The following AQP7 variants were observed in gnomAD, a reference collection of about 807,000 sequenced individuals.
AQP7 encodes aquaporin-7.
In AQP7, 22 loss-of-function variants were observed where a neutral mutation model predicts 26.1. That is an observed-to-expected ratio of 0.84 (90% CI 0.60 to 1.20). The LOEUF (loss-of-function observed/expected upper bound fraction) is 1.20. Among genes scored for constraint, AQP7 ranks in the 50% most tolerant of loss-of-function variants. The pLI, the probability that AQP7 is intolerant of heterozygous loss-of-function variation, is 0.00. For missense variants in AQP7, 412 were observed against 457.5 expected, an observed-to-expected ratio of 0.90 and a Z score of 0.91; for synonymous variants, 167 against 181.7, an observed-to-expected ratio of 0.92 and a Z score of 0.65.
At chr9:33,395,962 T>G (rs1825816775) in intron 2 of AQP7, among the ~76,000 whole-genome samples, 1 of 152,200 alleles carries the variant, frequency 6.6e-6, no homozygotes, top group African/African-American at 2.4e-5. Context: ...GAATCTGTCT[T>G]ACTCCCAACT....
chr9:33,389,589 A>G (rs1250022823), intron 3 of AQP7, among the ~76,000 whole-genome samples: 7 of 152,228 alleles, frequency 4.6e-5, no homozygotes, highest in Non-Finnish European at 1.0e-4. Flanking sequence ...TGTGGATACT[A>G]GAAAAATTTA....
At chr9:33,395,544 C>G in intron 2 of AQP7, 1 of 283,870 alleles carries the variant, frequency 3.5e-6, no homozygotes. Context: ...AGAGAGCAGG[C>G]TGGAAAGTGG....
At position 33,395,110 on chromosome 9, in the gene AQP7, G is replaced by C. The variant is rs2381003; in HGVS notation, c.112C>G (p.Leu38Val). Reference protein sequence around the residue: ...ILQRKMVREFLAEFMSTYVMM... With the variant: ...ILQRKMVREFVAEFMSTYVMM... ...ACATATGTGCTCATGAACTCGGCCA[G>C]GAACTCTCGCACCATCTTCCTCTGC... The change falls in exon 3 of 8, where the codon CTG (leucine) becomes GTG (valine). Residue 38 changes from leucine (L) to valine (V), a missense_variant. Physicochemically the swap from Leu to Val is conservative, Grantham distance 32 (BLOSUM62 1). Transcript: ENST00000297988. 1 of 1,613,904 alleles carries C rather than the reference G, an allele frequency of 6.2e-7. No individual in the cohort carries two copies. The highest frequency in any genetic ancestry group is 8.5e-7 in the Non-Finnish European group (1 of 1,179,852).
chr9:33,396,862 G>A (rs147803835), intron 2 of AQP7, among the ~76,000 whole-genome samples: 6,697 of 151,388 alleles, frequency 0.044, 519 homozygotes, highest in African/African-American at 0.15. Flanking sequence ...AGCACTTGCC[G>A]AGGCGAGCTG....
At chr9:33,400,634 A>C (rs931832937) in intron 2 of AQP7, among the ~76,000 whole-genome samples, 4 of 151,988 alleles carry the variant, frequency 2.6e-5, no homozygotes, top group Non-Finnish European at 4.4e-5. Context: ...ATACCAAAAT[A>C]ATAATAATAA....
chr9:33,386,276 G>A, intron 5 of AQP7, 81 bp from the exon 6 acceptor site: 1 of 1,602,802 alleles, frequency 6.2e-7, no homozygotes, highest in South Asian at 1.1e-5. Context: ...ATAGGTTAGA[G>A]GGTGGGGGAT....
In AQP7 at chr9:33,386,478, T is replaced by A; in HGVS notation, c.332A>T (p.Lys111Met). 6.2e-7 allele frequency: 1 copy of A among 1,612,482 alleles called. No homozygotes were observed. Among genetic ancestry groups the A allele is most frequent in the Non-Finnish European group, 8.5e-7 (1 of 1,179,364 alleles). Residue 111 changes from lysine to methionine, a missense_variant, in exon 5 of 8, where the codon AAG becomes ATG. Physicochemically the swap from Lys to Met is moderately conservative, Grantham distance 95. Coordinates refer to ENST00000297988, the MANE Select transcript of AQP7 (RefSeq NM_001170.3). ...NCALGRVPWR[K>M]FPVYVLGQFL... Reference sequence around the variant, plus strand: ...CTGCCCCAGCACATAGACCGGAAACTTCCTCCAGGGCACGCGGCCCAGCGC... The same window carrying A: ...CTGCCCCAGCACATAGACCGGAAACATCCTCCAGGGCACGCGGCCCAGCGC...
rs546542440 is a variant in AQP7 at position 33,398,627 on chromosome 9, G to A, written c.26+2610C>T. Among the ~76,000 whole-genome samples, 28 of 152,334 alleles carry A rather than the reference G, an allele frequency of 1.8e-4. No homozygotes were observed. In the South Asian group the frequency reaches 2.1e-3, roughly 11 times the overall value. On this transcript the variant is annotated intron_variant, in intron 2 of 7. Coordinates refer to ENST00000297988, the MANE Select transcript of AQP7 (RefSeq NM_001170.3). The stretch of plus-strand genomic sequence containing the variant: ...GGGCAGGTCCTGACTAGTGTGGGGC[G>A]CAGCAGAGAAGCTGTGGGAGAATGG...
In AQP7 at chr9:33,387,052, T is replaced by C. The variant is rs753629469; in HGVS notation, c.185A>G (p.Lys62Arg). 1 of 1,611,942 alleles carries C rather than the reference T, an allele frequency of 6.2e-7. No homozygotes were observed. Among genetic ancestry groups the C allele is most frequent in the East Asian group, 2.2e-5 (1 of 44,878 alleles). The stretch of plus-strand genomic sequence containing the variant: ...GACACCAAGGTAGCTCCCATATTTT[T>C]TATTTAGAACCATATGGGCCACGGA... ...LGSVAHMVLN[K>R]KYGSYLGVNL... The change falls in exon 4 of 8, where the codon AAA becomes AGA. Residue 62 changes from lysine (K) to arginine (R), a missense_variant. Physicochemically the swap from Lys to Arg is conservative, Grantham distance 26. Transcript: ENST00000297988.
At chr9:33,387,704 G>A (rs952996398) in intron 3 of AQP7, among the ~76,000 whole-genome samples, 4 of 151,788 alleles carry the variant, frequency 2.6e-5, no homozygotes, top group Non-Finnish European at 2.9e-5. Context: ...AGGGGAAGGG[G>A]CCTACCTTCA....
intron 2 of AQP7, among the ~76,000 whole-genome samples, chr9:33,400,028 C>A (rs1221883373): frequency 2.6e-5 from 4 of 151,788 alleles, no homozygotes; most frequent in African/African-American, 7.3e-5. Flanking sequence ...TTGCAGGGGG[C>A]GGAGGAGGCT....
At position 33,386,902 on chromosome 9, in the gene AQP7, C is replaced by T. The variant is rs77039398; in HGVS notation, c.268+67G>A. On this transcript the variant is annotated intron_variant, in intron 4 of 7. Transcript: ENST00000297988. ...GTGCTGGCAAAGAAGCTGGCTGAGG[C>T]GGGCAGGAAAGAGCCTGTTGGGGAC... The T allele has an allele frequency of 7.1e-5, 114 of 1,597,190 alleles. 1 individual carries two copies. Among genetic ancestry groups the T allele is most frequent in the South Asian group, 1.2e-4 (11 of 89,560 alleles).
Position 33,385,866 on chromosome 9 carries a change from C to A in AQP7, c.526G>T (p.Ala176Ser). The A allele has an allele frequency of 6.2e-7, 1 of 1,604,130 alleles. No individual in the cohort carries two copies. The highest frequency in any genetic ancestry group is 2.2e-5 in the East Asian group (1 of 44,642). ...AGCTGGAGCATCCCGGTCAGCCACGCCTGAGGAGCAGATGCTGTGGCAGCT... is the reference window on the plus strand; with the variant it reads ...AGCTGGAGCATCCCGGTCAGCCACGACTGAGGAGCAGATGCTGTGGCAGCT... ...MTLWRGFLNE[A>S]WLTGMLQLCL... The change falls in exon 7 of 8, where the codon GCG becomes TCG. Residue 176 changes from alanine (A) to serine (S), a missense_variant and splice_region_variant. Transcript: ENST00000297988.
chr9:33,396,877 C>T (rs1564190640), intron 2 of AQP7, among the ~76,000 whole-genome samples: 1 of 151,470 alleles, frequency 6.6e-6, no homozygotes, highest in Non-Finnish European at 1.5e-5. Flanking sequence ...GAGCTGATCG[C>T]TTGAGCCCAG....
chr9:33,390,042 A>G (rs993232119), intron 3 of AQP7, among the ~76,000 whole-genome samples: 39 of 151,758 alleles, frequency 2.6e-4, no homozygotes, highest in East Asian at 5.8e-4. Flanking sequence ...AAAAAAAAAA[A>G]AAAAGAAAAG....
At chr9:33,400,113 C>A (rs1005884485) in intron 2 of AQP7, among the ~76,000 whole-genome samples, 2 of 152,000 alleles carry the variant, frequency 1.3e-5, no homozygotes, top group Non-Finnish European at 1.5e-5. Flanking sequence ...CCCTGGAGAG[C>A]GATGTAGGCT....
chr9:33,394,247 C>T (rs1229769757), intron 3 of AQP7: 2 of 152,426 alleles, frequency 1.3e-5, no homozygotes, highest in Admixed American at 6.5e-5. Context: ...GTGCTTTCTT[C>T]TCCAACCCCA....
intron 3 of AQP7, among the ~76,000 whole-genome samples, chr9:33,392,256 G>A (rs1308420083): frequency 6.6e-6 from 1 of 151,510 alleles, no homozygotes; most frequent in African/African-American, 2.4e-5. Context: ...GGAGGTTGCA[G>A]TGAGCTGAGA....
intron 7 of AQP7, 150 bp downstream of exon 7, chr9:33,385,499 G>A (rs1824662044): frequency 2.8e-6 from 3 of 1,078,464 alleles, no homozygotes; most frequent in East Asian, 4.9e-5. Context: ...GTACTGGCCT[G>A]GGGAAATGTT....
Sources: gnomAD v4.1 joint callset for allele counts (sites outside exome capture counted in the v4.1 genomes callset) on GRCh38, gnomAD v4.1.1 for gene constraint, MANE v1.5 for transcripts, NCBI Gene and HGNC (gene_info 2026-07-23, HGNC 2026-07-21) for gene names.